Variants in MFAP5 observed in about 807,000 individuals in gnomAD.
MFAP5 encodes microfibrillar-associated protein 5.
Under a neutral mutation model 30.1 loss-of-function variants are expected in MFAP5, and 19 were observed. The ratio of observed to expected loss-of-function variants is 0.63; its 90% CI spans 0.44 to 0.93. MFAP5 has a LOEUF of 0.93. MFAP5 is among the 40% of genes least tolerant of loss of function. MFAP5 has a pLI of 0.00. For missense variants in MFAP5, 210 were observed against 221.3 expected (o/e 0.95, Z 0.32); for synonymous variants, 92 against 72.9 (o/e 1.26, Z -1.33).
chr12:8,656,813 G>A (rs1476894864), intron 3 of MFAP5, among the ~76,000 whole-genome samples: 1 of 151,552 alleles, frequency 6.6e-6, no homozygotes, highest in Non-Finnish European at 1.5e-5. Flanking sequence ...GATTACAGGC[G>A]CCCGCCACCA....
chr12:8,650,258 G>C lies in MFAP5; in HGVS notation c.335+244C>G, dbSNP rs916522310. On this transcript the variant is annotated intron_variant, in intron 8 of 9. Transcript: ENST00000359478. Reference sequence around the variant, plus strand: ...TTGAGCATGCCAGTATTTCCCTCATGACCCTTCTTCCTCCAGCGCCCACCT... The same window carrying C: ...TTGAGCATGCCAGTATTTCCCTCATCACCCTTCTTCCTCCAGCGCCCACCT... The C allele has an allele frequency of 2.9e-5, 14 of 490,916 alleles. 2 individuals carry two copies. The South Asian group carries it at 3.0e-4, about 10-fold the overall frequency. 30.4% of individuals were successfully genotyped at this position (490,916 alleles called of 1,614,324 possible).
rs1170999954 is a variant in MFAP5, at chr12:8,654,404, C to A, written c.217+33G>T. ...GCTCTGGGGAAAGCCTAGAATGGCC[C>A]TGATGACCTGGGGGTCCCAGATCTG... On this transcript the variant is annotated intron_variant, in intron 6 of 9. Coordinates refer to ENST00000359478, the MANE Select transcript of MFAP5 (RefSeq NM_003480.4). 2.5e-6 allele frequency: 4 copies of A among 1,576,576 alleles called. No homozygotes were observed. In the African/African-American group the frequency reaches 5.4e-5, roughly 21 times the overall value.
chr12:8,661,340 T>G (rs2136484549), intron 2 of MFAP5, among the ~76,000 whole-genome samples: 1 of 152,268 alleles, frequency 6.6e-6, no homozygotes, highest in South Asian at 2.1e-4. Context: ...GAGTAGGACA[T>G]CTTTACAGCC....
At chr12:8,658,026 C>T (rs1315423179) in intron 3 of MFAP5, among the ~76,000 whole-genome samples, 1 of 152,176 alleles carries the variant, frequency 6.6e-6, no homozygotes, top group Non-Finnish European at 1.5e-5. Context: ...TTGCTTACCT[C>T]ATCCTGTTTT....
rs13378100 is a variant in MFAP5, at chr12:8,651,541, T to C, written c.247+121A>G. On this transcript the variant is annotated intron_variant, in intron 7 of 9. Transcript: ENST00000359478. ...GTAAGGGAGTGAAGAACACTAATAC[T>C]CTTTGAGAAATAATTGGAAGTAAAC... 9.4e-3 allele frequency: 9,621 copies of C among 1,028,134 alleles called. 368 individuals are homozygous for C. The African/African-American group carries it at 0.1, about 11-fold the overall frequency. The allele number at this position is 1,028,134 out of a possible 1,614,324, so 63.7% of individuals were successfully genotyped here.
At chr12:8,655,181 G>A (rs1216557544) in intron 5 of MFAP5, among the ~76,000 whole-genome samples, 4 of 152,034 alleles carry the variant, frequency 2.6e-5, no homozygotes, top group Non-Finnish European at 5.9e-5. Flanking sequence ...AGGAGGCCAA[G>A]GCAGGAGAAC....
chr12:8,662,544 C>T (rs906815234), intron 1 of MFAP5, 83 bp downstream of exon 1: 10 of 191,116 alleles, frequency 5.2e-5, no homozygotes, highest in Admixed American at 3.8e-4. Context: ...TTCCCCATTG[C>T]CCCCTCCAGC....
At chr12:8,657,364 A>G (rs1266262291) in intron 3 of MFAP5, among the ~76,000 whole-genome samples, 1 of 151,934 alleles carries the variant, frequency 6.6e-6, no homozygotes, top group Non-Finnish European at 1.5e-5. Flanking sequence ...GGTGGCAGTG[A>G]GCTGAGATCG....
At chr12:8,662,228 C>T (rs1942174877) in intron 1 of MFAP5, 122 bp from the exon 2 acceptor site, 1 of 723,438 alleles carries the variant, frequency 1.4e-6, no homozygotes, top group African/African-American at 1.8e-5. Flanking sequence ...TCTTCATTTT[C>T]CCTTATGACT....
At chr12:8,660,765 TGGC>T in intron 3 of MFAP5, 95 bp downstream of exon 3, 2 of 922,868 alleles carry the variant, frequency 2.2e-6, no homozygotes, top group South Asian at 1.8e-5. Context: ...TTTTTTTTTT[TGGC>T]AGCGATAGAT....
intron 6 of MFAP5, among the ~76,000 whole-genome samples, chr12:8,653,390 C>T (rs1388111498): frequency 6.6e-6 from 1 of 152,118 alleles, no homozygotes; most frequent in Non-Finnish European, 1.5e-5. Flanking sequence ...GTTTTCCACA[C>T]TGCCCTGGGA....
chr12:8,649,627 G>A, intron 8 of MFAP5, 53 bp from the exon 9 acceptor site: 2 of 1,482,438 alleles, frequency 1.3e-6, no homozygotes, highest in South Asian at 2.3e-5. Context: ...AAAGCCTTGA[G>A]AGGAGAACTC....
chr12:8,652,255 G>A (rs1941857782), intron 6 of MFAP5, among the ~76,000 whole-genome samples: 1 of 151,950 alleles, frequency 6.6e-6, no homozygotes, highest in Non-Finnish European at 1.5e-5. Flanking sequence ...GACCAGCCTG[G>A]CCAACATGGT....
intron 7 of MFAP5, among the ~76,000 whole-genome samples, chr12:8,651,278 G>GT (rs1158715742): frequency 3.9e-5 from 6 of 152,206 alleles, no homozygotes; most frequent in Non-Finnish European, 2.9e-5. Flanking sequence ...TGTTCCAGTA[G>GT]TTTTCAACCC....
chr12:8,649,221 C>G (rs1941764226), intron 9 of MFAP5, among the ~76,000 whole-genome samples: 1 of 152,012 alleles, frequency 6.6e-6, no homozygotes, highest in South Asian at 2.1e-4. Context: ...TTTAAAATAG[C>G]CAGAGTGTCA....
chr12:8,655,923 A>T (rs1410310906), intron 3 of MFAP5, 93 bp from the exon 4 acceptor site: 5 of 1,056,692 alleles, frequency 4.7e-6, no homozygotes. Context: ...CATAGTGCCC[A>T]GCGGAGTTGA....
rs1468604177 is a variant in MFAP5, at chr12:8,647,889, G to C, written c.*202C>G. The C allele has an allele frequency of 2.3e-6, 1 of 439,618 alleles. No homozygotes were observed. The highest frequency in any genetic ancestry group is 4.1e-6 in the Non-Finnish European group (1 of 241,254). The allele number at this position is 439,618 out of a possible 1,614,324, so 27.2% of individuals were successfully genotyped here. ...AGCAGCAAAATTATGCAATAATATA[G>C]ACTTTGTATTTTAAGTGCTAGAAAA... On this transcript the variant is annotated 3_prime_UTR_variant, in exon 10 of 10. Transcript: ENST00000359478.
chr12:8,653,046 G>T (rs1009510199), intron 6 of MFAP5, among the ~76,000 whole-genome samples: 2 of 151,966 alleles, frequency 1.3e-5, no homozygotes, highest in African/African-American at 4.8e-5. Context: ...AAAAAAATTA[G>T]CCAGGCTTGG....
rs1555137911 is a variant in MFAP5 at position 8,650,490 on chromosome 12, G to T, written c.335+12C>A. The T allele has an allele frequency of 1.9e-6, 3 of 1,611,432 alleles. No individual in the cohort carries two copies. In the South Asian group the frequency reaches 3.3e-5, roughly 18 times the overall value. ...ATGGAAGATGCTTTTTGGGCATTCT[G>T]GGATCCCTTACCTGGTGAAGCATAA... On this transcript the variant is annotated intron_variant, in intron 8 of 9. Transcript: ENST00000359478.
Sources: gnomAD v4.1 joint callset for allele counts (sites outside exome capture counted in the v4.1 genomes callset) on GRCh38, gnomAD v4.1.1 for gene constraint, MANE v1.5 for transcripts, NCBI Gene and HGNC (gene_info 2026-07-23, HGNC 2026-07-21) for gene names.